The following PRKCH variants were observed in gnomAD, a reference collection of about 807,000 sequenced individuals.
The protein encoded by PRKCH is protein kinase C eta type.
In PRKCH, 28 loss-of-function variants were observed where a neutral mutation model predicts 82.5. The observed-to-expected ratio is 0.34, with a 90% CI of 0.25 to 0.47. The LOEUF (loss-of-function observed/expected upper bound fraction) is 0.47. PRKCH is among the 20% of genes least tolerant of loss of function. The pLI is 1.00. For missense variants in PRKCH, 705 were observed against 881.8 expected, an observed-to-expected ratio of 0.80 and a Z score of 2.54; for synonymous variants, 322 against 327.4, an observed-to-expected ratio of 0.98 and a Z score of 0.18.
At chr14:61,523,710 C>G (rs1211032611) in intron 10 of PRKCH, among the ~76,000 whole-genome samples, 1 of 152,116 alleles carries the variant, frequency 6.6e-6, no homozygotes, top group African/African-American at 2.4e-5. Context: ...CTCACCACCC[C>G]CAAATGAGCA....
At chr14:61,262,032 C>A (rs911254795) in intron 1 of PRKCH, among the ~76,000 whole-genome samples, 1 of 151,728 alleles carries the variant, frequency 6.6e-6, no homozygotes, top group African/African-American at 2.4e-5. Flanking sequence ...CCAGCCTGGC[C>A]AACATGGTGA....
chr14:61,264,477 T>A (rs1422361365), intron 1 of PRKCH, among the ~76,000 whole-genome samples: 1 of 152,222 alleles, frequency 6.6e-6, no homozygotes, highest in Non-Finnish European at 1.5e-5. Flanking sequence ...CAATTTCTCA[T>A]TCACTGCTGC....
chr14:61,500,212 C>G (rs76932779), intron 10 of PRKCH, among the ~76,000 whole-genome samples: 1,621 of 150,712 alleles, frequency 0.011, 34 homozygotes, highest in African/African-American at 0.037. Flanking sequence ...AAGACTTGGT[C>G]TTTTTTTTTG....
At chr14:61,252,590 G>A (rs989112224) in intron 1 of PRKCH, among the ~76,000 whole-genome samples, 1 of 152,190 alleles carries the variant, frequency 6.6e-6, no homozygotes, top group Non-Finnish European at 1.5e-5. Flanking sequence ...GGAAACAGAG[G>A]CAACGTGACT....
At chr14:61,510,497 G>T (rs538227537) in intron 10 of PRKCH, among the ~76,000 whole-genome samples, 2 of 152,254 alleles carry the variant, frequency 1.3e-5, no homozygotes, top group South Asian at 2.1e-4. Context: ...AGGCGTTAAA[G>T]ATGACTCCGA....
At chr14:61,514,153 A>G (rs925919673) in intron 10 of PRKCH, among the ~76,000 whole-genome samples, 1 of 152,072 alleles carries the variant, frequency 6.6e-6, no homozygotes, top group Non-Finnish European at 1.5e-5. Context: ...CGGGGATACC[A>G]GGACACCAGC....
chr14:61,408,940 A>G (rs1022372903), intron 2 of PRKCH, among the ~76,000 whole-genome samples: 2 of 152,188 alleles, frequency 1.3e-5, no homozygotes, highest in African/African-American at 4.8e-5. Context: ...GGGTATGAGA[A>G]TTTCAGGGCA....
rs2045884568 is a variant in PRKCH at position 61,338,272 on chromosome 14, C to A, written c.363+15808C>A. On this transcript the variant is annotated intron_variant, in intron 1 of 13. Coordinates refer to ENST00000332981, the MANE Select transcript of PRKCH (RefSeq NM_006255.5). Reference sequence around the variant, plus strand: ...AGGAAAAATTCCTTATCATTCCTTACCATTCTCTGTCTTGAGTCTGAGTCA... The same window carrying A: ...AGGAAAAATTCCTTATCATTCCTTAACATTCTCTGTCTTGAGTCTGAGTCA... Among the ~76,000 whole-genome samples the A allele has an allele frequency of 1.3e-5, 2 of 152,170 alleles. 1 individual carries two copies. The highest frequency in any genetic ancestry group is 4.1e-4 in the South Asian group (2 of 4,834).
intron 1 of PRKCH, among the ~76,000 whole-genome samples, chr14:61,377,086 T>A (rs992833454): frequency 1.9e-4 from 29 of 152,170 alleles, no homozygotes; most frequent in Admixed American, 6.5e-4. Flanking sequence ...ACCTGTCATC[T>A]CCCAGGTCAT....
At chr14:61,379,191 C>T (rs1010462413) in intron 1 of PRKCH, among the ~76,000 whole-genome samples, 1 of 152,280 alleles carries the variant, frequency 6.6e-6, no homozygotes, top group East Asian at 1.9e-4. Context: ...GCACACTCCC[C>T]GTCTCTGTGT....
At chr14:61,306,998 C>G (rs919003243) in intron 1 of PRKCH, 2 of 152,100 alleles carry the variant, frequency 1.3e-5, no homozygotes, top group Admixed American at 1.3e-4. Flanking sequence ...AAAGTATATT[C>G]TAATATGCTT....
Position 61,293,487 on chromosome 14 carries a change from C to T in PRKCH, c.-19+105819C>T, listed in dbSNP as rs371172056. Among the ~76,000 whole-genome samples the T allele has an allele frequency of 3.3e-5, 5 of 152,194 alleles. No individual in the cohort carries two copies. The East Asian group carries it at 5.8e-4, about 18-fold the overall frequency. Reference sequence around the variant, plus strand: ...CCTTACATTCAAGTAGATATGGAATCTTATCGCAGCACTAAAATGACAGCG... The same window carrying T: ...CCTTACATTCAAGTAGATATGGAATTTTATCGCAGCACTAAAATGACAGCG... On this transcript the variant is annotated intron_variant, in intron 1 of 3. Coordinates refer to the PRKCH transcript ENST00000555185.
At chr14:61,487,341 C>G (rs1019041454) in intron 10 of PRKCH, among the ~76,000 whole-genome samples, 3 of 152,182 alleles carry the variant, frequency 2.0e-5, no homozygotes, top group Admixed American at 6.5e-5. Context: ...TCTTAGGTCA[C>G]GGGGCTGCAG....
intron 1 of PRKCH, among the ~76,000 whole-genome samples, chr14:61,277,117 C>T (rs1050424456): frequency 2.0e-5 from 3 of 152,022 alleles, no homozygotes; most frequent in Non-Finnish European, 4.4e-5. Flanking sequence ...ACCCAGGAAG[C>T]GGAGGTTGCA....
At chr14:61,513,152 G>A (rs1004878552) in intron 10 of PRKCH, among the ~76,000 whole-genome samples, 6 of 152,156 alleles carry the variant, frequency 3.9e-5, no homozygotes, top group Admixed American at 3.9e-4. Context: ...TGCTTCCTCA[G>A]TTCCTTAGCA....
chr14:61,474,126 A>G (rs1338376592), intron 9 of PRKCH, among the ~76,000 whole-genome samples: 1 of 152,202 alleles, frequency 6.6e-6, no homozygotes, highest in African/African-American at 2.4e-5. Flanking sequence ...AAGTGGTTTC[A>G]TAGTAGGATA....
At chr14:61,515,921 CTA>C (rs36089773) in intron 10 of PRKCH, among the ~76,000 whole-genome samples, 34,429 of 151,966 alleles carry the variant, frequency 0.23, 4,045 homozygotes, top group South Asian at 0.35. Context: ...TATGCTAAAC[CTA>C]ATTCACATTA....
At chr14:61,203,679 T>C (rs1327394342) in intron 1 of PRKCH, among the ~76,000 whole-genome samples, 1 of 151,956 alleles carries the variant, frequency 6.6e-6, no homozygotes, top group African/African-American at 2.4e-5. Context: ...TGACCTACGG[T>C]AAGAACATAT....
At chr14:61,288,949 C>T (rs750569094) in intron 1 of PRKCH, among the ~76,000 whole-genome samples, 4 of 152,214 alleles carry the variant, frequency 2.6e-5, no homozygotes, top group Non-Finnish European at 5.9e-5. Context: ...AGGAGTAGAA[C>T]GTCATCAGGC....
Sources: allele counts gnomAD v4.1 joint callset (sites outside exome capture counted in the v4.1 genomes callset), GRCh38; gene constraint gnomAD v4.1.1; transcripts MANE v1.5; gene names NCBI Gene and HGNC (gene_info 2026-07-23, HGNC 2026-07-21).